Variants in RPLP0 observed in about 807,000 individuals in gnomAD.
RPLP0 encodes the protein large ribosomal subunit protein uL10.
For synonymous variants in RPLP0, 137 were observed against 153.4 expected, an observed-to-expected ratio of 0.89 and a Z score of 0.79; for missense variants, 276 against 402.9, an observed-to-expected ratio of 0.69 and a Z score of 2.70.
chr12:120,199,030 C>A, intron 4 of RPLP0, 30 bp from the exon 5 acceptor site: 1 of 1,613,794 alleles, frequency 6.2e-7, no homozygotes, highest in Non-Finnish European at 8.5e-7. Flanking sequence ...GTGAGAAAAG[C>A]CTCTCCACTC....
At chr12:120,197,618 A>G (rs1879232954) in intron 6 of RPLP0, 156 bp from the exon 7 acceptor site, 1 of 796,356 alleles carries the variant, frequency 1.3e-6, no homozygotes, top group Non-Finnish European at 2.0e-6. Flanking sequence ...TGCTCCTGGC[A>G]GAGCAATTCA....
In RPLP0 at chr12:120,198,701, T is replaced by C. The variant is rs765930618; in HGVS notation, c.504A>G (p.Gly168=). ...TGTTCAGCAGCGTGGCTTCGCTGGC[T>C]CCCACTTTGTCTCCAGTCTTGATCA... The part of the protein sequence containing the change: ...VQLIKTGDKV[G]ASEATLLNML... The change falls in exon 6 of 8, where the codon GGA becomes GGG. Residue 168 remains glycine (G), a synonymous_variant. Transcript: ENST00000392514. The surrounding 1 kb of genome is among the most constrained non-coding windows in gnomAD (Gnocchi z 4.1). 3 of 1,614,048 alleles carry C rather than the reference T, an allele frequency of 1.9e-6. No homozygotes were observed. In the South Asian group the frequency reaches 3.3e-5, roughly 18 times the overall value.
chr12:120,199,544 A>T, intron 2 of RPLP0, 59 bp from the exon 3 acceptor site: 2 of 1,534,198 alleles, frequency 1.3e-6, no homozygotes, highest in Non-Finnish European at 1.8e-6. Context: ...AAAAAATGCC[A>T]GAAGAAACTG....
chr12:120,196,949 G>GA lies in RPLP0; in HGVS notation c.793-16dup. The GA allele has an allele frequency of 1.2e-6, 2 of 1,613,000 alleles. No homozygotes were observed. The highest frequency in any genetic ancestry group is 1.7e-6 in the Non-Finnish European group (2 of 1,179,892). The stretch of plus-strand genomic sequence containing the variant: ...AAGGCCTTGACCTGAAAGGAGGGGG[G>GA]AAGTGGTCAAAATGGTCATCCACAC... On this transcript the variant is annotated splice_polypyrimidine_tract_variant and intron_variant, in intron 7 of 7. Coordinates refer to ENST00000392514, the MANE Select transcript of RPLP0 (RefSeq NM_001002.4).
In RPLP0 at chr12:120,199,502, A is replaced by G; in HGVS notation, c.55-17T>C. 1 of 1,610,436 alleles carries G rather than the reference A, an allele frequency of 6.2e-7. No homozygotes were observed. Among genetic ancestry groups the G allele is most frequent in the Non-Finnish European group, 8.5e-7 (1 of 1,178,316 alleles). On this transcript the variant is annotated splice_polypyrimidine_tract_variant and intron_variant, in intron 2 of 7. Coordinates refer to ENST00000392514, the MANE Select transcript of RPLP0 (RefSeq NM_001002.4). ...CAATAGTTGCTACAAAAAACAAGCC[A>G]GAGGAGCCAAGTTTAACAGGAAGAG...
At chr12:120,199,285 G>A (rs368631319) in intron 3 of RPLP0, 25 bp downstream of exon 3, 543 of 1,613,866 alleles carry the variant, frequency 3.4e-4, no homozygotes, top group Non-Finnish European at 4.3e-4. Flanking sequence ...TGGGGAGAAA[G>A]GACAAAACTG....
chr12:120,200,153 T>C (rs989587419), intron 2 of RPLP0: 23 of 455,018 alleles, frequency 5.1e-5, no homozygotes, highest in African/African-American at 4.6e-4. Context: ...CCTCAGACCT[T>C]CTCAAAAATG....
intron 1 of RPLP0, 29 bp downstream of exon 1, chr12:120,201,054 C>G (rs771005214): frequency 2.7e-5 from 12 of 449,022 alleles, no homozygotes; most frequent in Non-Finnish European, 4.7e-5. Context: ...GCCGGCGACC[C>G]CTGGCGCCCA....
intron 2 of RPLP0, chr12:120,199,728 T>C (rs1287508627): frequency 4.2e-6 from 2 of 481,744 alleles, no homozygotes; most frequent in East Asian, 7.9e-5. Context: ...TTACTTAGTT[T>C]TTAATTTTTC....
rs1284421211 is a variant in RPLP0, at chr12:120,198,198, T to C, written c.651+356A>G. 6.6e-6 allele frequency among the ~76,000 whole-genome samples: 1 copy of C among 152,088 alleles called. No individual in the cohort carries two copies. Among genetic ancestry groups the C allele is most frequent in the Non-Finnish European group, 1.5e-5 (1 of 68,036 alleles). ...TCACGAGGTCAGGAGATCGACACCA[T>C]CCTGGCTAACGCGGTGAAACCTAAA... On this transcript the variant is annotated intron_variant, in intron 6 of 7. Coordinates refer to ENST00000392514, the MANE Select transcript of RPLP0 (RefSeq NM_001002.4). This position sits in a 1 kb window ranked among gnomAD's most constrained non-coding sequence, Gnocchi z 4.1.
In RPLP0 at chr12:120,199,253, C is replaced by G. The variant is rs201661370; in HGVS notation, c.231-48G>C. 7.7e-4 allele frequency: 1,237 copies of G among 1,613,322 alleles called. No homozygotes were observed. The highest frequency in any genetic ancestry group is 1.0e-3 in the Non-Finnish European group (1,192 of 1,179,310). ...GACAATCACCTTTCAGCACCATTCTCCAGGAAGAGGGAGACGGGCACTGGG... is the reference window on the plus strand; with the variant it reads ...GACAATCACCTTTCAGCACCATTCTGCAGGAAGAGGGAGACGGGCACTGGG... On this transcript the variant is annotated intron_variant, in intron 3 of 7. Coordinates refer to ENST00000392514, the MANE Select transcript of RPLP0 (RefSeq NM_001002.4).
chr12:120,198,592 C>G lies in RPLP0; in HGVS notation c.613G>C (p.Asp205His). 6.2e-7 allele frequency: 1 copy of G among 1,614,108 alleles called. No individual in the cohort carries two copies. The highest frequency in any genetic ancestry group is 8.5e-7 in the Non-Finnish European group (1 of 1,180,046). ...GAATGCAGAGTTTCCTCTGTGATATCAAGCACTTCAGGGTTGTAGATGCTG... is the reference window on the plus strand; with the variant it reads ...GAATGCAGAGTTTCCTCTGTGATATGAAGCACTTCAGGGTTGTAGATGCTG... Reference protein sequence around the residue: ...NGSIYNPEVLDITEETLHSRF... With the variant: ...NGSIYNPEVLHITEETLHSRF... The change falls in exon 6 of 8, where the codon GAT becomes CAT. Residue 205 changes from aspartate (D) to histidine (H), a missense_variant. By Grantham distance (81) the Asp-to-His change is moderately conservative. Coordinates refer to ENST00000392514, the MANE Select transcript of RPLP0 (RefSeq NM_001002.4). This position sits in a 1 kb window ranked among gnomAD's most constrained non-coding sequence, Gnocchi z 4.1.
At chr12:120,199,627 G>A (rs147702143) in intron 2 of RPLP0, 142 bp from the exon 3 acceptor site, 8,190 of 791,538 alleles carry the variant, frequency 0.01, 74 homozygotes, top group African/African-American at 0.023. Flanking sequence ...TGGGAGCTAC[G>A]TTGTAACACT....
Position 120,200,917 on chromosome 12 carries a change from C to T in RPLP0, c.-48-86G>A, listed in dbSNP as rs1027372479. 8 of 1,424,540 alleles carry T rather than the reference C, an allele frequency of 5.6e-6. No individual in the cohort carries two copies. The East Asian group carries it at 2.1e-4, about 37-fold the overall frequency. 88.2% of individuals were successfully genotyped at this position (1,424,540 alleles called of 1,614,324 possible). On this transcript the variant is annotated intron_variant, in intron 1 of 7. Coordinates refer to ENST00000392514, the MANE Select transcript of RPLP0 (RefSeq NM_001002.4). ...CTAAGAGGAGCAGGACACGCGCAATCGCCCGCCGGCCCTGCCTAGGGCAGC... is the reference window on the plus strand; with the variant it reads ...CTAAGAGGAGCAGGACACGCGCAATTGCCCGCCGGCCCTGCCTAGGGCAGC...
chr12:120,199,241 C>T (rs1879303259), intron 3 of RPLP0, 36 bp from the exon 4 acceptor site: 1 of 1,612,882 alleles, frequency 6.2e-7, no homozygotes, highest in East Asian at 2.2e-5. Context: ...AATCACCTTT[C>T]AGCACCATTC....
chr12:120,199,249 T>C, intron 3 of RPLP0, 44 bp from the exon 4 acceptor site: 2 of 1,612,578 alleles, frequency 1.2e-6, no homozygotes, highest in Non-Finnish European at 1.7e-6. Context: ...TTCAGCACCA[T>C]TCTCCAGGAA....
In RPLP0 at chr12:120,198,758, G is replaced by A; in HGVS notation, c.466-19C>T. On this transcript the variant is annotated intron_variant, in intron 5 of 7. Coordinates refer to ENST00000392514, the MANE Select transcript of RPLP0 (RefSeq NM_001002.4). This position sits in a 1 kb window ranked among gnomAD's most constrained non-coding sequence, Gnocchi z 4.1. ...CATCACTCTGAACCAGATAATAGTGGGGCAGTAAACACCTGTTGGACAACC... is the reference window on the plus strand; with the variant it reads ...CATCACTCTGAACCAGATAATAGTGAGGCAGTAAACACCTGTTGGACAACC... 1 of 1,612,802 alleles carries A rather than the reference G, an allele frequency of 6.2e-7. No individual in the cohort carries two copies. The highest frequency in any genetic ancestry group is 8.5e-7 in the Non-Finnish European group (1 of 1,178,824).
Position 120,198,189 on chromosome 12 carries a change from TC to T in RPLP0, c.651+364del, listed in dbSNP as rs1879255507. ...TTGGGCGGATCACGAGGTCAGGAGA[TC>T]GACACCATCCTGGCTAACGCGGTGA... On this transcript the variant is annotated intron_variant, in intron 6 of 7. Coordinates refer to ENST00000392514, the MANE Select transcript of RPLP0 (RefSeq NM_001002.4). This position sits in a 1 kb window ranked among gnomAD's most constrained non-coding sequence, Gnocchi z 4.1. Among the ~76,000 whole-genome samples, 1 of 152,084 alleles carries T rather than the reference TC, an allele frequency of 6.6e-6. No individual in the cohort carries two copies. Among genetic ancestry groups the T allele is most frequent in the Non-Finnish European group, 1.5e-5 (1 of 68,016 alleles).
At position 120,198,379 on chromosome 12, in the gene RPLP0, CTG is replaced by C. The variant is rs557737527; in HGVS notation, c.651+173_651+174del. On this transcript the variant is annotated intron_variant, in intron 6 of 7. Transcript: ENST00000392514. This position sits in a 1 kb window ranked among gnomAD's most constrained non-coding sequence, Gnocchi z 4.1. ...CCAGCCTGGGCGACACAGCAAGACTCTGTCTCCAAAAAAAAAAAAAAAAAATC... is the reference window on the plus strand; with the variant it reads ...CCAGCCTGGGCGACACAGCAAGACTCTCTCCAAAAAAAAAAAAAAAAAATC... 59 of 667,556 alleles carry C rather than the reference CTG, an allele frequency of 8.8e-5. No homozygotes were observed. The African/African-American group carries it at 1.2e-3, about 13-fold the overall frequency. The allele number at this position is 667,556 out of a possible 1,614,324, so 41.4% of individuals were successfully genotyped here.
Sources: gnomAD v4.1 joint callset for allele counts (sites outside exome capture counted in the v4.1 genomes callset) on GRCh38, gnomAD v4.1.1 for gene constraint, Gnocchi (gnomAD v3.1) non-coding constraint, MANE v1.5 for transcripts, NCBI Gene and HGNC (gene_info 2026-07-23, HGNC 2026-07-21) for gene names.